The following KLHL12 variants were observed in gnomAD, a reference collection of about 807,000 sequenced individuals.
KLHL12 encodes the protein kelch like family member 12.
A neutral mutation model predicts 60.8 loss-of-function variants in KLHL12; 17 were observed. The observed-to-expected ratio is 0.28, with a 90% CI of 0.19 to 0.42. The LOEUF is 0.42. Ranked by LOEUF, KLHL12 falls within the 10% of genes least tolerant of loss-of-function variation. The pLI is 1.00. For synonymous variants in KLHL12, 220 were observed against 250.9 expected, an observed-to-expected ratio of 0.88 and a Z score of 1.16; for missense variants, 468 against 722.3, an observed-to-expected ratio of 0.65 and a Z score of 4.04.
In KLHL12 at chr1:202,918,122, T is replaced by C. The variant is rs1219217570; in HGVS notation, c.567+49A>G. The stretch of plus-strand genomic sequence containing the variant: ...GTAACTGCATCCTATTTGCAAGTTT[T>C]GTAATTGCCCAATCTTGAAGAAACC... On this transcript the variant is annotated intron_variant, in intron 4 of 11. Coordinates refer to ENST00000367261, the MANE Select transcript of KLHL12 (RefSeq NM_021633.4). 4 of 1,392,354 alleles carry C rather than the reference T, an allele frequency of 2.9e-6. No homozygotes were observed. The East Asian group carries it at 9.1e-5, about 32-fold the overall frequency. 86.2% of individuals were successfully genotyped at this position (1,392,354 alleles called of 1,614,324 possible).
intron 4 of KLHL12, chr1:202,912,106 C>T (rs1170692894): frequency 1.5e-5 from 12 of 822,870 alleles, no homozygotes; most frequent in South Asian, 2.6e-5. Flanking sequence ...TTCTCAAAGA[C>T]CAGGTGCTCA....
chr1:202,913,425 G>A (rs1251432920), intron 4 of KLHL12, among the ~76,000 whole-genome samples: 1 of 152,168 alleles, frequency 6.6e-6, no homozygotes, highest in Non-Finnish European at 1.5e-5. Flanking sequence ...AAACGCAGAT[G>A]TTTCACAAAG....
At chr1:202,911,724 A>G in intron 4 of KLHL12, 1 of 613,400 alleles carries the variant, frequency 1.6e-6, no homozygotes, top group Non-Finnish European at 2.9e-6. Flanking sequence ...TAACATCACT[A>G]TGTTGCAGTT....
At chr1:202,923,912 AAC>A (rs1198057401) in intron 2 of KLHL12, among the ~76,000 whole-genome samples, 3 of 152,096 alleles carry the variant, frequency 2.0e-5, no homozygotes, top group Admixed American at 6.6e-5. Flanking sequence ...AGACTTTTAA[AAC>A]AGTGTTTTCA....
upstream of KLHL12, chr1:202,928,499 C>A (rs1333752596): frequency 1.5e-6 from 2 of 1,304,224 alleles, no homozygotes; most frequent in Non-Finnish European, 2.0e-6. Flanking sequence ...TACTGAGGAA[C>A]TTTTTGACAT....
At chr1:202,912,271 T>C (rs1297205354) in intron 4 of KLHL12, 10 of 990,130 alleles carry the variant, frequency 1.0e-5, no homozygotes, top group Non-Finnish European at 1.4e-5. Context: ...TTTGTAACCT[T>C]TGATGACCAT....
chr1:202,914,697 C>A (rs918523695), intron 4 of KLHL12, among the ~76,000 whole-genome samples: 3 of 151,908 alleles, frequency 2.0e-5, no homozygotes, highest in African/African-American at 7.3e-5. Context: ...GAAACCCAGT[C>A]TCTACTAAAA....
intron 6 of KLHL12, among the ~76,000 whole-genome samples, chr1:202,900,720 C>T (rs956605908): frequency 2.6e-5 from 4 of 152,092 alleles, no homozygotes; most frequent in Non-Finnish European, 5.9e-5. Flanking sequence ...AAAAATTAGC[C>T]AGGTGTGGTG....
chr1:202,918,070 C>T, intron 4 of KLHL12, 101 bp downstream of exon 4: 1 of 862,762 alleles, frequency 1.2e-6, no homozygotes. Flanking sequence ...CCAAAATGCA[C>T]ACTTAATTAT....
At chr1:202,899,822 C>CAAAAAAAAA (rs10612618) in intron 6 of KLHL12, among the ~76,000 whole-genome samples, 1 of 143,030 alleles carries the variant, frequency 7.0e-6, no homozygotes, top group Non-Finnish European at 1.5e-5. Context: ...GACTCCATCT[C>CAAAAAAAAA]AAAAAAAAAA....
At chr1:202,903,882 T>G (rs1232121963) in intron 6 of KLHL12, among the ~76,000 whole-genome samples, 1 of 150,660 alleles carries the variant, frequency 6.6e-6, no homozygotes, top group African/African-American at 2.4e-5. Flanking sequence ...CCTCTCAAAG[T>G]GCTGGGATTA....
In KLHL12 at chr1:202,907,430, T is replaced by C. The variant is rs892771924; in HGVS notation, c.832+1580A>G. Among the ~76,000 whole-genome samples the C allele has an allele frequency of 6.0e-5, 9 of 149,478 alleles. 1 individual carries two copies. Among genetic ancestry groups the C allele is most frequent in the Admixed American group, 2.7e-4 (4 of 15,000 alleles). ...CAGCCTGGTCAACATGGAGAAACCC[T>C]GTCTCTACCAAAAATACAAAAATTA... On this transcript the variant is annotated intron_variant, in intron 6 of 11. Coordinates refer to ENST00000367261, the MANE Select transcript of KLHL12 (RefSeq NM_021633.4).
rs534409052 is a variant in KLHL12 at position 202,897,476 on chromosome 1, G to A, written c.833-516C>T. Among the ~76,000 whole-genome samples the A allele has an allele frequency of 5.9e-5, 9 of 151,794 alleles. No homozygotes were observed. The South Asian group carries it at 8.3e-4, about 14-fold the overall frequency. On this transcript the variant is annotated intron_variant, in intron 6 of 11. Transcript: ENST00000367261. ...CAACCTCAAGTGATCCGCCAGCCTC[G>A]ACCTCCCAAAGTGCTGGGATTACAG...
At chr1:202,927,396 G>T, upstream of KLHL12, 1 of 455,170 alleles carries the variant, frequency 2.2e-6, no homozygotes, top group Non-Finnish European at 2.9e-6. Flanking sequence ...CAAAAAGGTC[G>T]GGTGGGCAGG....
At chr1:202,915,902 C>T (rs1442986529) in intron 4 of KLHL12, among the ~76,000 whole-genome samples, 1 of 152,202 alleles carries the variant, frequency 6.6e-6, no homozygotes, top group Non-Finnish European at 1.5e-5. Flanking sequence ...TGGAAATGTT[C>T]TGGGCACACA....
intron 6 of KLHL12, among the ~76,000 whole-genome samples, 197 bp from the exon 7 acceptor site, chr1:202,897,157 T>A (rs1443117484): frequency 6.6e-6 from 1 of 151,986 alleles, no homozygotes; most frequent in Non-Finnish European, 1.5e-5. Context: ...CTCGAGTCTC[T>A]GAAACTTAAA....
intron 2 of KLHL12, among the ~76,000 whole-genome samples, chr1:202,922,737 C>T (rs1660734802): frequency 6.6e-6 from 1 of 152,014 alleles, no homozygotes; most frequent in African/African-American, 2.4e-5. Context: ...CCACCTGCTT[C>T]GGCCTCCCAA....
intron 4 of KLHL12, chr1:202,911,694 C>T (rs1660366774): frequency 3.6e-6 from 2 of 548,734 alleles, no homozygotes; most frequent in Non-Finnish European, 6.5e-6. Context: ...TCACCCAAGC[C>T]TCTGAAGCAG....
intron 6 of KLHL12, among the ~76,000 whole-genome samples, chr1:202,901,252 A>G (rs907439948): frequency 6.6e-6 from 1 of 152,038 alleles, no homozygotes; most frequent in African/African-American, 2.4e-5. Context: ...TGTTGGTGTG[A>G]TGTATAAAGG....
Sources: allele counts gnomAD v4.1 joint callset (sites outside exome capture counted in the v4.1 genomes callset), GRCh38; gene constraint gnomAD v4.1.1; transcripts MANE v1.5; gene names NCBI Gene and HGNC (gene_info 2026-07-23, HGNC 2026-07-21).